LPIN1: variants seen among roughly 807,000 people sequenced by gnomAD.
LPIN1 encodes lipin 1, also known as phosphatidate phosphatase LPIN1.
Under a neutral mutation model 107.5 loss-of-function variants are expected in LPIN1, and 71 were observed. The observed-to-expected ratio is 0.66, with a 90% CI of 0.55 to 0.80. The LOEUF is 0.80. Ranked by LOEUF, LPIN1 falls within the 30% of genes least tolerant of loss-of-function variation. The pLI is 0.00. For missense variants in LPIN1, 1,043 were observed against 1,160.6 expected, an observed-to-expected ratio of 0.90 and a Z score of 1.47; for synonymous variants, 445 against 452.6, an observed-to-expected ratio of 0.98 and a Z score of 0.21.
At position 11,740,025 on chromosome 2, in the gene LPIN1, G is replaced by C. The variant is rs549920369; in HGVS notation, c.-71-1324G>C. Reference sequence around the variant, plus strand: ...CCTATGATTTGCTGTCTACAAGCTAGAGAACCAGGGAAGCTGGTGACATAG... The same window carrying C: ...CCTATGATTTGCTGTCTACAAGCTACAGAACCAGGGAAGCTGGTGACATAG... On this transcript the variant is annotated intron_variant, in intron 1 of 21. Transcript: ENST00000396097. Among the ~76,000 whole-genome samples the C allele has an allele frequency of 4.6e-5, 7 of 152,306 alleles. No individual in the cohort carries two copies. The South Asian group carries it at 1.5e-3, about 32-fold the overall frequency.
At position 11,771,359 on chromosome 2, in the gene LPIN1, G is replaced by A. The variant is rs774772399; in HGVS notation, c.289-13G>A. On this transcript the variant is annotated splice_polypyrimidine_tract_variant and intron_variant, in intron 3 of 20. Coordinates refer to ENST00000674199, the MANE Select transcript of LPIN1 (RefSeq NM_001349206.2). This position sits in a 1 kb window ranked among gnomAD's most constrained non-coding sequence, Gnocchi z 4.8. ...TAACGAGGCTCTTTTTAGAAAATGTGTTCTTTTCTTAGGAAGTTATCCCTA... is the reference window on the plus strand; with the variant it reads ...TAACGAGGCTCTTTTTAGAAAATGTATTCTTTTCTTAGGAAGTTATCCCTA... 9 of 1,613,104 alleles carry A rather than the reference G, an allele frequency of 5.6e-6. No individual in the cohort carries two copies. The East Asian group carries it at 2.0e-4, about 36-fold the overall frequency.
chr2:11,788,951 G>A (rs1027482081), intron 12 of LPIN1, among the ~76,000 whole-genome samples: 3 of 152,208 alleles, frequency 2.0e-5, no homozygotes, highest in Non-Finnish European at 2.9e-5. Flanking sequence ...AGTCTGCAGG[G>A]GAGAGTAGGT....
At chr2:11,709,759 C>T (rs1663314984) in intron 1 of LPIN1, among the ~76,000 whole-genome samples, 1 of 152,218 alleles carries the variant, frequency 6.6e-6, no homozygotes, top group South Asian at 2.1e-4. Flanking sequence ...GACTTTGAGC[C>T]TGATAATCTG....
chr2:11,759,123 G>T (rs147297045), intron 1 of LPIN1, among the ~76,000 whole-genome samples: 3,378 of 146,828 alleles, frequency 0.023, 52 homozygotes, highest in African/African-American at 0.042. Context: ...TAGCTAGCTT[G>T]CTTTCTTTCT....
At chr2:11,686,678 G>C (rs1662021435) in intron 1 of LPIN1, among the ~76,000 whole-genome samples, 1 of 152,288 alleles carries the variant, frequency 6.6e-6, no homozygotes, top group Admixed American at 6.5e-5. Context: ...AGCGAGCAAC[G>C]AGATGCCTGT....
chr2:11,767,960 G>C, intron 3 of LPIN1, 102 bp downstream of exon 3: 1 of 803,204 alleles, frequency 1.2e-6, no homozygotes, highest in Non-Finnish European at 2.2e-6. Context: ...TACCGGCCGT[G>C]GCTGTGTGGA....
intron 17 of LPIN1, 130 bp downstream of exon 17, chr2:11,805,286 C>A: frequency 1.3e-6 from 1 of 750,740 alleles, no homozygotes; most frequent in Non-Finnish European, 2.4e-6. Context: ...CAGGGAGGGG[C>A]AGTGGGGGTC....
intron 1 of LPIN1, among the ~76,000 whole-genome samples, chr2:11,749,669 T>C (rs1239510138): frequency 6.6e-6 from 1 of 152,128 alleles, no homozygotes; most frequent in Non-Finnish European, 1.5e-5. Flanking sequence ...ACCTCAGCAG[T>C]GTCTGGCCCA....
intron 1 of LPIN1, among the ~76,000 whole-genome samples, chr2:11,761,229 A>G (rs548870046): frequency 3.9e-5 from 6 of 152,354 alleles, no homozygotes; most frequent in South Asian, 4.1e-4. Flanking sequence ...TCAACGTGGA[A>G]GGAATAAGAA....
chr2:11,691,161 GGTGATT>G (rs1343968312), intron 1 of LPIN1, among the ~76,000 whole-genome samples: 1 of 150,350 alleles, frequency 6.7e-6, no homozygotes, highest in East Asian at 2.0e-4. Context: ...AACAAGGCTG[GGTGATT>G]TGAGGGTCCA....
chr2:11,757,161 A>G (rs1473597478), intron 1 of LPIN1, among the ~76,000 whole-genome samples: 4 of 152,208 alleles, frequency 2.6e-5, no homozygotes, highest in African/African-American at 7.2e-5. Flanking sequence ...TTTGAAAGGA[A>G]TTTGGTATGG....
In LPIN1 at chr2:11,773,652, A is replaced by G; in HGVS notation, c.629A>G (p.Asp210Gly). Residue 210 changes from aspartate (D) to glycine (G), a missense_variant, in exon 5 of 21, where the codon GAT becomes GGT. Transcript: ENST00000674199. Reference sequence around the variant, plus strand: ...CCTAATGATATACCTCCATTCCAAGATGATATTCCTGAGGAAAACCTCTCC... The same window carrying G: ...CCTAATGATATACCTCCATTCCAAGGTGATATTCCTGAGGAAAACCTCTCC... ...TLPNDIPPFQ[D>G]DIPEENLSLA... is the part of the protein sequence containing the mutation. 6.2e-7 allele frequency: 1 copy of G among 1,611,528 alleles called. No individual in the cohort carries two copies. Among genetic ancestry groups the G allele is most frequent in the South Asian group, 1.1e-5 (1 of 91,002 alleles).
intron 1 of LPIN1, among the ~76,000 whole-genome samples, chr2:11,684,929 G>A (rs1371560120): frequency 8.0e-6 from 1 of 124,560 alleles, no homozygotes; most frequent in East Asian, 2.4e-4. Flanking sequence ...CTGGAAATGA[G>A]CCGTGAATAA....
chr2:11,694,990 T>C (rs1334173061), intron 1 of LPIN1, among the ~76,000 whole-genome samples: 1 of 152,184 alleles, frequency 6.6e-6, no homozygotes, highest in Non-Finnish European at 1.5e-5. Context: ...GCTTCTTTGG[T>C]GCTCCTGCCC....
intron 4 of LPIN1, among the ~76,000 whole-genome samples, chr2:11,773,418 C>A (rs776254097): frequency 3.3e-5 from 5 of 152,122 alleles, no homozygotes; most frequent in Non-Finnish European, 7.4e-5. Flanking sequence ...AATTAGAATT[C>A]GGCCAAAGCA....
At chr2:11,680,237 G>A (rs995537475) in intron 1 of LPIN1, among the ~76,000 whole-genome samples, 4 of 152,154 alleles carry the variant, frequency 2.6e-5, no homozygotes, top group Non-Finnish European at 4.4e-5. Flanking sequence ...GCCACCATAG[G>A]GCTGTTTTCA....
At chr2:11,811,963 G>A (rs568582173) in intron 17 of LPIN1, among the ~76,000 whole-genome samples, 19 of 152,058 alleles carry the variant, frequency 1.2e-4, no homozygotes, top group Admixed American at 5.9e-4. Flanking sequence ...CCAGCCTGGT[G>A]ACACAGCGAG....
intron 1 of LPIN1, among the ~76,000 whole-genome samples, chr2:11,698,575 G>T (rs1315610813): frequency 1.3e-5 from 2 of 152,226 alleles, no homozygotes; most frequent in Non-Finnish European, 2.9e-5. Context: ...TGGTCTTCTA[G>T]ATTGCCCGAC....
At chr2:11,703,537 T>C (rs1042337098) in intron 1 of LPIN1, among the ~76,000 whole-genome samples, 9 of 152,156 alleles carry the variant, frequency 5.9e-5, no homozygotes, top group Admixed American at 1.3e-4. Flanking sequence ...AGCAATAGGA[T>C]TAGATTTTAT....
Sources: gnomAD v4.1 joint callset for allele counts (sites outside exome capture counted in the v4.1 genomes callset) on GRCh38, gnomAD v4.1.1 for gene constraint, Gnocchi (gnomAD v3.1) non-coding constraint, MANE v1.5 for transcripts, NCBI Gene and HGNC (gene_info 2026-07-23, HGNC 2026-07-21) for gene names.